Variants in TDRD5 observed in about 807,000 individuals in gnomAD.
TDRD5 encodes tudor domain containing 5, also known as tudor domain-containing protein 5.
TDRD5 carries 41 observed loss-of-function variants against 120.6 expected under a neutral mutation model. The observed-to-expected ratio is 0.34, with a 90% confidence interval of 0.26 to 0.44. The LOEUF is 0.44. TDRD5 is among the 20% of genes least tolerant of loss of function. The pLI is 1.00. For missense variants in TDRD5, 1,006 were observed against 1,221.2 expected, an observed-to-expected ratio of 0.82 and a Z score of 2.63; for synonymous variants, 430 against 433.7, an observed-to-expected ratio of 0.99 and a Z score of 0.11.
chr1:179,640,540 G>A (rs533049912), intron 11 of TDRD5, 95 bp downstream of exon 11: 19 of 1,293,222 alleles, frequency 1.5e-5, no homozygotes, highest in East Asian at 1.4e-4. Context: ...AAGATAAAAC[G>A]TAGAACCAGC....
chr1:179,612,369 A>C (rs1428995250), intron 4 of TDRD5, among the ~76,000 whole-genome samples: 1 of 152,120 alleles, frequency 6.6e-6, no homozygotes, highest in African/African-American at 2.4e-5. Context: ...AAGGCGTTCA[A>C]TTTTCTTTAT....
At position 179,634,496 on chromosome 1, in the gene TDRD5, C is replaced by A. The variant is rs772973815; in HGVS notation, c.1166C>A (p.Ser389Tyr). The change falls in exon 8 of 18, where the codon TCC becomes TAC. Residue 389 changes from serine (S) to tyrosine (Y), a missense_variant. Transcript: ENST00000444136. Reference sequence around the variant, plus strand: ...AAAATAGAAGCCAAAGCTTGTGTCTCCAGTCCACCTAGAAATTCATTGTCT... The same window carrying A: ...AAAATAGAAGCCAAAGCTTGTGTCTACAGTCCACCTAGAAATTCATTGTCT... ...DKKIEAKACV[S>Y]SPPRNSLSTA... The A allele has an allele frequency of 5.6e-5, 90 of 1,609,502 alleles. 1 individual carries two copies. Among genetic ancestry groups the A allele is most frequent in the Non-Finnish European group, 7.0e-5 (83 of 1,179,084 alleles).
chr1:179,688,589 C>A (rs553632665), intron 17 of TDRD5, among the ~76,000 whole-genome samples: 2 of 152,292 alleles, frequency 1.3e-5, no homozygotes, highest in East Asian at 3.9e-4. Flanking sequence ...TGAATGTTGG[C>A]CTGCCTTGCT....
chr1:179,662,091 T>C lies in TDRD5; in HGVS notation c.2323-13T>C. 1 of 1,525,988 alleles carries C rather than the reference T, an allele frequency of 6.6e-7. No homozygotes were observed. Among genetic ancestry groups the C allele is most frequent in the Non-Finnish European group, 8.8e-7 (1 of 1,141,848 alleles). 94.5% of individuals were successfully genotyped at this position (1,525,988 alleles called of 1,614,324 possible). ...TAAATGATAGTTTTTCTTTGTCTTC[T>C]GTTACATTTTAGGATGAGATCCCCA... On this transcript the variant is annotated splice_polypyrimidine_tract_variant and intron_variant, in intron 14 of 17. Coordinates refer to ENST00000444136, the MANE Select transcript of TDRD5 (RefSeq NM_001199085.3).
At position 179,593,732 on chromosome 1, in the gene TDRD5, C is replaced by G. The variant is rs761282380; in HGVS notation, c.505C>G (p.Gln169Glu). The stretch of plus-strand genomic sequence containing the variant: ...ATTTGGACGATCATTCCAATACATG[C>G]AATATGGATTTCTCTCTATGTTTGA... ...KRFGRSFQYM[Q>E]YGFLSMFEVL... The change falls in exon 3 of 18, where the codon CAA becomes GAA. Residue 169 changes from glutamine to glutamate, a missense_variant. This residue lies in a region of TDRD5 where 445 missense variants were observed against 515.5 expected (regional missense o/e 0.86). Coordinates refer to ENST00000444136, the MANE Select transcript of TDRD5 (RefSeq NM_001199085.3). 4 of 1,614,096 alleles carry G rather than the reference C, an allele frequency of 2.5e-6. No individual in the cohort carries two copies. The highest frequency in any genetic ancestry group is 3.4e-6 in the Non-Finnish European group (4 of 1,180,054).
chr1:179,615,475 C>T (rs1676518602), intron 4 of TDRD5, among the ~76,000 whole-genome samples: 1 of 152,054 alleles, frequency 6.6e-6, no homozygotes, highest in Non-Finnish European at 1.5e-5. Flanking sequence ...AAAGCTCTTT[C>T]TCTTCTGAGG....
At chr1:179,602,622 GTTTA>G (rs1675777761) in intron 4 of TDRD5, among the ~76,000 whole-genome samples, 1 of 152,098 alleles carries the variant, frequency 6.6e-6, no homozygotes, top group African/African-American at 2.4e-5. Context: ...AGCACCATTT[GTTTA>G]AAAGGGTGTC....
At chr1:179,602,819 C>T (rs1675787018) in intron 4 of TDRD5, among the ~76,000 whole-genome samples, 1 of 152,026 alleles carries the variant, frequency 6.6e-6, no homozygotes, top group African/African-American at 2.4e-5. Context: ...GTTATGCTTC[C>T]AGATTTGTTC....
chr1:179,627,173 A>G (rs576993711), intron 6 of TDRD5, among the ~76,000 whole-genome samples: 61 of 152,336 alleles, frequency 4.0e-4, no homozygotes, highest in Non-Finnish European at 7.2e-4. Context: ...TTTCAATTGC[A>G]GAGAGCCAGA....
intron 14 of TDRD5, among the ~76,000 whole-genome samples, chr1:179,655,649 T>C (rs1022745449): frequency 1.3e-5 from 2 of 152,168 alleles, no homozygotes; most frequent in African/African-American, 4.8e-5. Context: ...CTGGGGTCTG[T>C]TTTCTGTCAC....
At chr1:179,659,804 TCTC>T (rs1394391935) in intron 14 of TDRD5, among the ~76,000 whole-genome samples, 11 of 151,966 alleles carry the variant, frequency 7.2e-5, no homozygotes, top group Non-Finnish European at 1.3e-4. Flanking sequence ...TTCAAGCAAT[TCTC>T]CTGCCTCAGC....
intron 4 of TDRD5, among the ~76,000 whole-genome samples, chr1:179,604,487 C>G (rs1486881879): frequency 3.3e-5 from 5 of 151,944 alleles, no homozygotes; most frequent in Non-Finnish European, 5.9e-5. Context: ...AGTTTGTGCT[C>G]TTTCAGCCTT....
chr1:179,595,492 G>A (rs1675341204), intron 3 of TDRD5, 136 bp from the exon 4 acceptor site: 2 of 678,634 alleles, frequency 2.9e-6, no homozygotes, highest in South Asian at 5.5e-5. Context: ...ATGTAAAAAT[G>A]TCAGCTTTCT....
Position 179,640,454 on chromosome 1 carries a change from G to T in TDRD5, c.1800+9G>T, listed in dbSNP as rs16854429. 0.21 allele frequency: 335,244 copies of T among 1,612,918 alleles called. 36,430 individuals are homozygous for T. The highest frequency in any genetic ancestry group is 0.33 in the East Asian group (14,768 of 44,832). On this transcript the variant is annotated intron_variant, in intron 11 of 17. Coordinates refer to ENST00000444136, the MANE Select transcript of TDRD5 (RefSeq NM_001199085.3). ...GGGTGAGACCAGTAGAGGTATGTTT[G>T]CTTGTCTCCCATTTAATCAGCAAAC... is the stretch of plus-strand genomic sequence containing the variant.
At chr1:179,657,993 C>T (rs1447576441) in intron 14 of TDRD5, among the ~76,000 whole-genome samples, 6 of 152,174 alleles carry the variant, frequency 3.9e-5, no homozygotes, top group Middle Eastern at 3.2e-3. Flanking sequence ...CTTTGACCAA[C>T]ATCTGCCCAA....
chr1:179,636,333 A>G (rs931211809), intron 9 of TDRD5, among the ~76,000 whole-genome samples: 1 of 152,220 alleles, frequency 6.6e-6, no homozygotes, highest in Non-Finnish European at 1.5e-5. Flanking sequence ...AGTATGCTAA[A>G]ACTTGAGAAA....
chr1:179,666,718 C>T (rs28668703), intron 16 of TDRD5, among the ~76,000 whole-genome samples: 1 of 152,098 alleles, frequency 6.6e-6, no homozygotes, highest in Non-Finnish European at 1.5e-5. Flanking sequence ...GAGGAACTAC[C>T]AGGATATTTT....
intron 4 of TDRD5, among the ~76,000 whole-genome samples, chr1:179,610,979 C>A (rs1252308154): frequency 6.6e-6 from 1 of 151,712 alleles, no homozygotes; most frequent in Non-Finnish European, 1.5e-5. Context: ...TAATCTTATG[C>A]CTTTCATTGC....
chr1:179,646,024 C>T (rs570406313), intron 11 of TDRD5, among the ~76,000 whole-genome samples: 47 of 152,136 alleles, frequency 3.1e-4, no homozygotes, highest in African/African-American at 1.1e-3. Flanking sequence ...GACCTTTTGT[C>T]TTTCACCCAG....
Sources: gnomAD v4.1 joint callset for allele counts (sites outside exome capture counted in the v4.1 genomes callset) on GRCh38, gnomAD v4.1.1 for gene constraint, gnomAD v4.1.1 regional missense constraint, MANE v1.5 for transcripts, NCBI Gene and HGNC (gene_info 2026-07-23, HGNC 2026-07-21) for gene names.